CPQ: variants seen among roughly 807,000 people sequenced by gnomAD.
The protein encoded by CPQ is Ser-Met dipeptidase.
Under a neutral mutation model 45.7 loss-of-function variants are expected in CPQ, and 37 were observed. The observed-to-expected ratio is 0.81, with a 90% CI of 0.62 to 1.07. The LOEUF (loss-of-function observed/expected upper bound fraction) is 1.07, where lower values mean the gene tolerates loss of function less well. Ranked by LOEUF, CPQ falls within the 50% of genes least tolerant of loss-of-function variation. CPQ has a pLI of 0.00. For synonymous variants in CPQ, 186 were observed against 205.8 expected, an observed-to-expected ratio of 0.90 and a Z score of 0.82; for missense variants, 537 against 572.9, an observed-to-expected ratio of 0.94 and a Z score of 0.64.
At chr8:96,966,796 T>C (rs1024754357) in intron 5 of CPQ, among the ~76,000 whole-genome samples, 7 of 152,222 alleles carry the variant, frequency 4.6e-5, no homozygotes, top group Non-Finnish European at 8.8e-5. Flanking sequence ...TATACACTTT[T>C]ACCATAATTA....
chr8:96,779,745 A>G (rs894639863), intron 1 of CPQ, among the ~76,000 whole-genome samples: 3 of 152,200 alleles, frequency 2.0e-5, no homozygotes, highest in African/African-American at 7.2e-5. Context: ...TAGATGTCTT[A>G]TGAACCTTTT....
At chr8:97,004,587 T>C (rs1393601733) in intron 5 of CPQ, among the ~76,000 whole-genome samples, 1 of 152,100 alleles carries the variant, frequency 6.6e-6, no homozygotes, top group East Asian at 1.9e-4. Flanking sequence ...TGGAAAAGCT[T>C]TAGTTCAAAG....
At chr8:97,056,644 C>G (rs936597437) in intron 6 of CPQ, 3 of 152,214 alleles carry the variant, frequency 2.0e-5, no homozygotes, top group Non-Finnish European at 4.4e-5. Context: ...GAGTGAGATA[C>G]TCTACAGAAC....
chr8:96,854,595 T>C lies in CPQ; in HGVS notation c.641+19415T>C, dbSNP rs927105791. On this transcript the variant is annotated intron_variant, in intron 3 of 7. Coordinates refer to ENST00000220763, the MANE Select transcript of CPQ (RefSeq NM_016134.4). ...CTAAAAGCCCAGTAAAAGTGTAACA[T>C]GAAAGGAAAGGCTATGTTATATTCA... is the stretch of plus-strand genomic sequence containing the variant. Among the ~76,000 whole-genome samples, 2 of 126,656 alleles carry C rather than the reference T, an allele frequency of 1.6e-5. 1 individual carries two copies. 83.1% of individuals were successfully genotyped at this position (126,656 alleles called of 152,430 possible).
At chr8:96,908,774 CA>C (rs1563526428) in intron 4 of CPQ, among the ~76,000 whole-genome samples, 219 of 151,962 alleles carry the variant, frequency 1.4e-3, no homozygotes, top group African/African-American at 5.0e-3. Context: ...CACACACACA[CA>C]CACCATATAT....
chr8:97,019,122 C>T (rs968620810), intron 5 of CPQ, among the ~76,000 whole-genome samples: 12 of 152,160 alleles, frequency 7.9e-5, no homozygotes, highest in African/African-American at 2.2e-4. Flanking sequence ...TTGTACCCGG[C>T]GAAATTAAGC....
intron 7 of CPQ, among the ~76,000 whole-genome samples, chr8:97,087,651 T>C (rs1253242532): frequency 1.3e-5 from 2 of 152,208 alleles, no homozygotes. Context: ...AGTTTGTGCA[T>C]TCATTACCTC....
Position 96,733,382 on chromosome 8 carries a change from G to T in CPQ, c.-34-51482G>T, listed in dbSNP as rs7839876. ...GAAGAGGTGAAATTTGTAGATGAGG[G>T]ATTTTAATCCTTCACTTTGTATTTG... is the stretch of plus-strand genomic sequence containing the variant. On this transcript the variant is annotated intron_variant, in intron 1 of 7. Coordinates refer to ENST00000220763, the MANE Select transcript of CPQ (RefSeq NM_016134.4). Among the ~76,000 whole-genome samples, 1,174 of 152,192 alleles carry T rather than the reference G, an allele frequency of 7.7e-3. 18 individuals are homozygous for T. Among genetic ancestry groups the T allele is most frequent in the African/African-American group, 0.027 (1,106 of 41,528 alleles).
At chr8:96,958,401 G>T (rs1813393401) in intron 4 of CPQ, among the ~76,000 whole-genome samples, 1 of 152,036 alleles carries the variant, frequency 6.6e-6, no homozygotes, top group Non-Finnish European at 1.5e-5. Context: ...CTTATACTGT[G>T]GTTGCTGAGG....
chr8:97,136,354 T>G (rs764805571), intron 7 of CPQ, among the ~76,000 whole-genome samples: 1 of 152,204 alleles, frequency 6.6e-6, no homozygotes, highest in Non-Finnish European at 1.5e-5. Context: ...CAAGCTGTAA[T>G]GAATTGATCA....
At chr8:97,035,114 A>C (rs552702568) in intron 6 of CPQ, among the ~76,000 whole-genome samples, 5 of 152,150 alleles carry the variant, frequency 3.3e-5, no homozygotes, top group Admixed American at 3.3e-4. Flanking sequence ...GATGGTCTCG[A>C]TCTCTCGACC....
chr8:96,683,399 G>A (rs545012179), intron 1 of CPQ, among the ~76,000 whole-genome samples: 2 of 152,154 alleles, frequency 1.3e-5, no homozygotes, highest in South Asian at 4.2e-4. Flanking sequence ...AATCAGACTT[G>A]TATATGATAA....
intron 4 of CPQ, among the ~76,000 whole-genome samples, chr8:96,913,803 G>A (rs935338559): frequency 6.6e-5 from 10 of 152,078 alleles, no homozygotes; most frequent in African/African-American, 2.4e-4. Flanking sequence ...AAGATATTGT[G>A]GTTATTTATT....
chr8:97,130,330 C>T (rs781140157), intron 7 of CPQ, among the ~76,000 whole-genome samples: 8 of 152,102 alleles, frequency 5.3e-5, no homozygotes, highest in East Asian at 3.9e-4. Context: ...TACCTTGCCC[C>T]GTAATTCTGG....
At chr8:97,125,016 T>C (rs1811822987) in intron 7 of CPQ, among the ~76,000 whole-genome samples, 1 of 152,014 alleles carries the variant, frequency 6.6e-6, no homozygotes, top group Admixed American at 6.6e-5. Context: ...ATCAAGCTGG[T>C]CAAGAAAAAA....
At chr8:96,649,356 A>G (rs1391948734) in intron 1 of CPQ, among the ~76,000 whole-genome samples, 2 of 152,218 alleles carry the variant, frequency 1.3e-5, no homozygotes, top group Non-Finnish European at 2.9e-5. Context: ...TACAGTAATA[A>G]TGTTTCAGAA....
intron 6 of CPQ, among the ~76,000 whole-genome samples, chr8:97,049,214 C>T (rs1202224304): frequency 1.3e-5 from 2 of 152,100 alleles, no homozygotes; most frequent in Non-Finnish European, 2.9e-5. Context: ...TTTCTTATGA[C>T]TACTCTGATT....
chr8:97,054,897 A>G (rs1471978484), intron 6 of CPQ, among the ~76,000 whole-genome samples: 1 of 152,174 alleles, frequency 6.6e-6, no homozygotes, highest in Non-Finnish European at 1.5e-5. Flanking sequence ...TGACCAAAAA[A>G]CCACTGTACC....
intron 5 of CPQ, among the ~76,000 whole-genome samples, chr8:96,987,074 A>G (rs1808998807): frequency 6.6e-6 from 1 of 152,172 alleles, no homozygotes; most frequent in East Asian, 1.9e-4. Flanking sequence ...AAATCCCTCC[A>G]TAGGGCTGCT....
Sources: gnomAD v4.1 joint callset for allele counts (sites outside exome capture counted in the v4.1 genomes callset) on GRCh38, gnomAD v4.1.1 for gene constraint, MANE v1.5 for transcripts, NCBI Gene and HGNC (gene_info 2026-07-23, HGNC 2026-07-21) for gene names.